Variants in CFAP299 observed in about 807,000 individuals in gnomAD.
CFAP299 encodes cilia and flagella associated protein 299.
CFAP299 carries 21 observed loss-of-function variants against 27.0 expected under a neutral mutation model. The ratio of observed to expected loss-of-function variants is 0.78; its 90% CI spans 0.55 to 1.12. The LOEUF (loss-of-function observed/expected upper bound fraction) is 1.12, where lower values mean the gene tolerates loss of function less well. Ranked by LOEUF, CFAP299 falls within the 50% of genes most tolerant of loss-of-function variation. CFAP299 has a pLI of 0.00. For missense variants in CFAP299, 310 were observed against 276.6 expected (o/e 1.12, Z -0.86); for synonymous variants, 104 against 98.1 (o/e 1.06, Z -0.36).
intron 2 of CFAP299, among the ~76,000 whole-genome samples, chr4:80,467,023 A>G (rs755292067): frequency 6.6e-6 from 1 of 152,230 alleles, no homozygotes; most frequent in East Asian, 1.9e-4. Flanking sequence ...GCTGAAGGCT[A>G]TGGAGCTATG....
At chr4:80,652,374 A>G (rs919610584) in intron 3 of CFAP299, among the ~76,000 whole-genome samples, 11 of 152,166 alleles carry the variant, frequency 7.2e-5, no homozygotes, top group Non-Finnish European at 1.3e-4. Flanking sequence ...AATGAAAAAC[A>G]TAAATTTCAG....
At chr4:80,459,840 G>A (rs1729352557) in intron 2 of CFAP299, among the ~76,000 whole-genome samples, 1 of 152,088 alleles carries the variant, frequency 6.6e-6, no homozygotes, top group African/African-American at 2.4e-5. Flanking sequence ...GTTGCTCACA[G>A]CACCAAAACT....
At chr4:80,855,928 G>T (rs571180561) in intron 3 of CFAP299, among the ~76,000 whole-genome samples, 1 of 151,900 alleles carries the variant, frequency 6.6e-6, no homozygotes, top group South Asian at 2.1e-4. Flanking sequence ...ACCCAGTAAT[G>T]GGATGGCTGG....
At chr4:80,649,977 T>G (rs1015525594) in intron 3 of CFAP299, among the ~76,000 whole-genome samples, 1 of 152,074 alleles carries the variant, frequency 6.6e-6, no homozygotes, top group African/African-American at 2.4e-5. Flanking sequence ...ACCATTTTAT[T>G]TTATTTTTTT....
In CFAP299 at chr4:80,799,948, ATAT is replaced by A. The variant is rs1174269142; in HGVS notation, c.334-70041_334-70039del. Among the ~76,000 whole-genome samples the A allele has an allele frequency of 8.6e-5, 4 of 46,542 alleles. 1 individual carries two copies. Among genetic ancestry groups the A allele is most frequent in the South Asian group, 1.3e-3 (2 of 1,574 alleles). The allele number at this position is 46,542 out of a possible 152,430, so 30.5% of individuals were successfully genotyped here. ...TATATTTATATATTATATTATATAA[ATAT>A]TATATAAATATAATATTTATATAAT... On this transcript the variant is annotated intron_variant, in intron 3 of 5. Coordinates refer to ENST00000358105, the MANE Select transcript of CFAP299 (RefSeq NM_152770.3).
chr4:80,529,233 G>GT (rs199551516), intron 2 of CFAP299, among the ~76,000 whole-genome samples: 25 of 151,004 alleles, frequency 1.7e-4, no homozygotes, highest in Non-Finnish European at 2.4e-4. Context: ...CCTTTCCATG[G>GT]TTTTTTTTTC....
In CFAP299 at chr4:80,688,654, A is replaced by G. The variant is rs748291458; in HGVS notation, c.333+105471A>G. Among the ~76,000 whole-genome samples the G allele has an allele frequency of 8.6e-4, 131 of 152,256 alleles. 7 individuals are homozygous for G. The highest frequency in any genetic ancestry group is 7.1e-4 in the Non-Finnish European group (48 of 68,052). On this transcript the variant is annotated intron_variant, in intron 3 of 5. Transcript: ENST00000358105. ...ACAGCACCTATCCTCCTCCAAAGGA[A>G]CGCAGTTCCTCACCAGCAACGGAAC...
Position 80,800,793 on chromosome 4 carries a change from A to ATG in CFAP299, c.334-69199_334-69198insGT, listed in dbSNP as rs200159391. Among the ~76,000 whole-genome samples, 308 of 138,574 alleles carry ATG rather than the reference A, an allele frequency of 2.2e-3. 1 individual carries two copies. The highest frequency in any genetic ancestry group is 7.2e-3 in the Middle Eastern group (2 of 278). 90.9% of individuals were successfully genotyped at this position (138,574 alleles called of 152,430 possible). On this transcript the variant is annotated intron_variant, in intron 3 of 5. Transcript: ENST00000358105. ...TATATATATATATGTATACATATAT[A>ATG]TATATGAGTTTAGTAAGTATTAACT...
chr4:80,476,944 C>CGT (rs369887747), intron 2 of CFAP299, among the ~76,000 whole-genome samples: 6,455 of 137,774 alleles, frequency 0.047, 477 homozygotes, highest in African/African-American at 0.18. Context: ...TGTGTGTGTG[C>CGT]GTGTGTGTGC....
At chr4:80,870,614 C>G in intron 4 of CFAP299, 1 of 986,022 alleles carries the variant, frequency 1.0e-6, no homozygotes, top group Non-Finnish European at 1.2e-6. Context: ...CAATGCTTGC[C>G]TTTTATTCTA....
At chr4:80,548,558 T>C (rs1433573323) in intron 2 of CFAP299, among the ~76,000 whole-genome samples, 3 of 152,128 alleles carry the variant, frequency 2.0e-5, no homozygotes, top group Non-Finnish European at 4.4e-5. Flanking sequence ...TTATAAAACA[T>C]GAGAGCTAGG....
intron 4 of CFAP299, among the ~76,000 whole-genome samples, chr4:80,883,355 A>G (rs551237773): frequency 6.6e-6 from 1 of 152,276 alleles, no homozygotes; most frequent in African/African-American, 2.4e-5. Flanking sequence ...TCATAAAGAA[A>G]AACAGCAAGA....
intron 3 of CFAP299, among the ~76,000 whole-genome samples, chr4:80,758,240 G>A (rs1326606582): frequency 6.6e-6 from 1 of 152,168 alleles, no homozygotes; most frequent in Non-Finnish European, 1.5e-5. Context: ...CTTTCAGGGG[G>A]CAGGGGAGCT....
intron 3 of CFAP299, among the ~76,000 whole-genome samples, chr4:80,737,372 T>C (rs959567610): frequency 1.3e-5 from 2 of 152,146 alleles, no homozygotes; most frequent in African/African-American, 4.8e-5. Flanking sequence ...TATTATTTCT[T>C]CTTTAAAAGT....
At chr4:80,392,049 C>A (rs1427806924) in intron 2 of CFAP299, among the ~76,000 whole-genome samples, 1 of 152,174 alleles carries the variant, frequency 6.6e-6, no homozygotes, top group Non-Finnish European at 1.5e-5. Context: ...ATATGACTTC[C>A]CTATTGGATT....
At chr4:80,519,061 AAAT>A (rs1469623933) in intron 2 of CFAP299, among the ~76,000 whole-genome samples, 2 of 152,160 alleles carry the variant, frequency 1.3e-5, no homozygotes, top group African/African-American at 2.4e-5. Context: ...ATTGGTGATT[AAAT>A]AATAATTAAT....
intron 2 of CFAP299, among the ~76,000 whole-genome samples, chr4:80,517,196 C>G (rs1270261722): frequency 1.3e-5 from 2 of 152,090 alleles, no homozygotes; most frequent in African/African-American, 4.8e-5. Context: ...CAATGTTCAG[C>G]AGCACTTTCT....
intron 3 of CFAP299, among the ~76,000 whole-genome samples, chr4:80,624,769 T>G (rs1738796933): frequency 6.6e-6 from 1 of 152,156 alleles, no homozygotes; most frequent in Admixed American, 6.5e-5. Flanking sequence ...TAAAAATGTT[T>G]TAATATGGCT....
chr4:80,770,060 G>T (rs1208319158), intron 3 of CFAP299, among the ~76,000 whole-genome samples: 1 of 152,048 alleles, frequency 6.6e-6, no homozygotes, highest in African/African-American at 2.4e-5. Flanking sequence ...CTTGTTTCCT[G>T]TCAGAAGAAT....
Sources: gnomAD v4.1 joint callset for allele counts (sites outside exome capture counted in the v4.1 genomes callset) on GRCh38, gnomAD v4.1.1 for gene constraint, MANE v1.5 for transcripts, NCBI Gene and HGNC (gene_info 2026-07-23, HGNC 2026-07-21) for gene names.